POLR3D: variants seen among roughly 807,000 people sequenced by gnomAD.
POLR3D encodes RNA polymerase III subunit D.
In POLR3D, 42 loss-of-function variants were observed where a neutral mutation model predicts 44.5. The observed-to-expected ratio is 0.94, with a 90% confidence interval of 0.74 to 1.22. The LOEUF (loss-of-function observed/expected upper bound fraction) is 1.22. Among genes scored for constraint, POLR3D ranks in the 50% most tolerant of loss-of-function variants. POLR3D has a pLI of 0.00. For missense variants in POLR3D, 507 were observed against 505.2 expected (o/e 1.00, Z -0.03); for synonymous variants, 217 against 198.1 (o/e 1.10, Z -0.80).
At chr8:22,249,369 C>T (rs547768748) in intron 7 of POLR3D, 60 bp downstream of exon 7, 16 of 1,574,082 alleles carry the variant, frequency 1.0e-5, no homozygotes, top group Admixed American at 1.7e-5. Flanking sequence ...AAGTGGTGAC[C>T]TGTAGTGGGA....
intron 6 of POLR3D, 134 bp from the exon 7 acceptor site, chr8:22,248,910 C>G (rs1830070753): frequency 2.0e-6 from 2 of 1,014,128 alleles, no homozygotes; most frequent in South Asian, 3.1e-5. Flanking sequence ...TCTCTTGCCC[C>G]TCTGTATAAC....
intron 2 of POLR3D, among the ~76,000 whole-genome samples, chr8:22,246,408 G>T (rs1362598453): frequency 6.6e-6 from 1 of 151,942 alleles, no homozygotes; most frequent in Non-Finnish European, 1.5e-5. Flanking sequence ...GGGATTACAG[G>T]TGTGAGCCAC....
chr8:22,248,441 A>G, intron 5 of POLR3D, 40 bp from the exon 6 acceptor site: 1 of 1,604,440 alleles, frequency 6.2e-7, no homozygotes, highest in South Asian at 1.1e-5. Context: ...ATCCAGGTGC[A>G]TGTGCTAGCA....
intron 2 of POLR3D, 70 bp from the exon 3 acceptor site, chr8:22,247,151 A>C (rs1830051972): frequency 2.4e-6 from 3 of 1,225,912 alleles, no homozygotes; most frequent in Admixed American, 1.9e-5. Flanking sequence ...GCCCTTTGGG[A>C]ATTTTTATTT....
chr8:22,250,839 T>G lies in POLR3D; in HGVS notation c.*321T>G. On this transcript the variant is annotated 3_prime_UTR_variant, in exon 9 of 9. Coordinates refer to ENST00000306433, the MANE Select transcript of POLR3D (RefSeq NM_001722.3). ...GAGGGTCTGTGTGAAGGGGCCGGCT[T>G]CTCTTGGTGCCTGCTGGGTTGCAGG... 1 of 325,608 alleles carries G rather than the reference T, an allele frequency of 3.1e-6. No homozygotes were observed. Among genetic ancestry groups the G allele is most frequent in the Non-Finnish European group, 6.0e-6 (1 of 167,116 alleles). The allele number at this position is 325,608 out of a possible 1,614,324, so 20.2% of individuals were successfully genotyped here. A position where few individuals can be genotyped will look rare whatever the true frequency, so the allele number is the denominator to read the frequency against.
Position 22,252,024 on chromosome 8 carries a change from T to C in POLR3D, c.*1506T>C, listed in dbSNP as rs1438205483. 1.3e-5 allele frequency: 2 copies of C among 153,736 alleles called. No homozygotes were observed. The highest frequency in any genetic ancestry group is 4.8e-5 in the African/African-American group (2 of 41,450). 9.5% of individuals were successfully genotyped at this position (153,736 alleles called of 1,614,324 possible). On this transcript the variant is annotated 3_prime_UTR_variant, in exon 9 of 9. Coordinates refer to ENST00000306433, the MANE Select transcript of POLR3D (RefSeq NM_001722.3). ...AGGCTCACCTTCCTTCTTTTCAAAG[T>C]TCCTCAAGCCTGTTACTCATTTGTC...
chr8:22,247,723 G>A, intron 3 of POLR3D, 134 bp from the exon 4 acceptor site: 4 of 778,750 alleles, frequency 5.1e-6, no homozygotes, highest in Middle Eastern at 3.7e-4. Context: ...AATTAGGATT[G>A]GATTCTGCTT....
Position 22,247,272 on chromosome 8 carries a change from G to C in POLR3D, c.209+8G>C. On this transcript the variant is annotated splice_region_variant and intron_variant, in intron 3 of 8. Transcript: ENST00000306433. ...TCGGAAGATCAAGGAAGAGTAAGTA[G>C]CTAGGCCTTCTGAATACTTGCCCCT... 6.2e-7 allele frequency: 1 copy of C among 1,610,716 alleles called. No homozygotes were observed. The highest frequency in any genetic ancestry group is 8.5e-7 in the Non-Finnish European group (1 of 1,177,246).
At position 22,247,247 on chromosome 8, in the gene POLR3D, T is replaced by C. The variant is rs1209450222; in HGVS notation, c.192T>C (p.Ser64=). The change falls in exon 3 of 9, where the codon AGT becomes AGC. Residue 64 remains serine, a synonymous_variant. Coordinates refer to ENST00000306433, the MANE Select transcript of POLR3D (RefSeq NM_001722.3). ...AAACCTTCACCCCAAATATCATCAGTCGGAAGATCAAGGAAGAGTAAGTAG... is the reference window on the plus strand; with the variant it reads ...AAACCTTCACCCCAAATATCATCAGCCGGAAGATCAAGGAAGAGTAAGTAG... ...KKKTFTPNII[S]RKIKEEPKEE... is the part of the protein sequence containing the mutation. 1.9e-6 allele frequency: 3 copies of C among 1,613,390 alleles called. No individual in the cohort carries two copies. In the African/African-American group the frequency reaches 4.0e-5, roughly 22 times the overall value.
At chr8:22,246,309 G>A (rs909681341) in intron 2 of POLR3D, among the ~76,000 whole-genome samples, 1 of 150,660 alleles carries the variant, frequency 6.6e-6, no homozygotes, top group Non-Finnish European at 1.5e-5. Flanking sequence ...TGTATTTTTA[G>A]TAGACACAGG....
At chr8:22,245,917 A>G (rs375360565) in intron 2 of POLR3D, among the ~76,000 whole-genome samples, 2 of 152,228 alleles carry the variant, frequency 1.3e-5, no homozygotes, top group South Asian at 2.1e-4. Context: ...TAAGAAACCC[A>G]TGAAAGCCAG....
chr8:22,246,876 A>T (rs1245701111), intron 2 of POLR3D, among the ~76,000 whole-genome samples: 1 of 152,204 alleles, frequency 6.6e-6, no homozygotes, highest in Non-Finnish European at 1.5e-5. Flanking sequence ...TTCCCCCATG[A>T]TACTGACTGG....
In POLR3D at chr8:22,252,921, TTTTA is replaced by T. The variant is rs1287244082; in HGVS notation, c.*2411_*2414del. 6.6e-6 allele frequency: 1 copy of T among 152,198 alleles called. No homozygotes were observed. Among genetic ancestry groups the T allele is most frequent in the African/African-American group, 2.4e-5 (1 of 41,468 alleles). 9.4% of individuals were successfully genotyped at this position (152,198 alleles called of 1,614,324 possible). A position where few individuals can be genotyped will look rare whatever the true frequency, so the allele number is the denominator to read the frequency against. ...AATCACTTATCCTCTTTAAGCTTGA[TTTTA>T]TTTATTTTATTTTATGTAAGAGTGA... On this transcript the variant is annotated 3_prime_UTR_variant, in exon 9 of 9. Transcript: ENST00000306433.
chr8:22,250,174 T>C lies in POLR3D; in HGVS notation c.1021T>C (p.Leu341=), dbSNP rs1301962735. The change falls in exon 8 of 9, where the codon TTG becomes CTG. Residue 341 remains leucine (L), a synonymous_variant. Coordinates refer to ENST00000306433, the MANE Select transcript of POLR3D (RefSeq NM_001722.3). The stretch of plus-strand genomic sequence containing the variant: ...CAAGTCTGGAAGGGTGCAACTCCTC[T>C]TGGGCAAGGTGACTCTGGACGTGAC... ...IRKSGRVQLL[L]GKVTLDVTMG... 6.8e-6 allele frequency: 11 copies of C among 1,614,158 alleles called. No individual in the cohort carries two copies. Among genetic ancestry groups the C allele is most frequent in the Non-Finnish European group, 9.3e-6 (11 of 1,180,020 alleles).
intron 3 of POLR3D, 102 bp downstream of exon 3, chr8:22,247,366 A>G (rs1430424588): frequency 2.4e-6 from 2 of 848,688 alleles, no homozygotes; most frequent in Non-Finnish European, 3.9e-6. Context: ...ATTTAAATTT[A>G]TATCTTTAGT....
In POLR3D at chr8:22,245,608, C is replaced by G. The variant is rs1235910902; in HGVS notation, c.159C>G (p.Val53=). ...IRSRDLTLGG[V]KKKTFTPNII... ...CCAGGGACCTCACCCTCGGGGGAGTCAAGAAGGTACCCAACGGCGCGTTTC... is the reference window on the plus strand; with the variant it reads ...CCAGGGACCTCACCCTCGGGGGAGTGAAGAAGGTACCCAACGGCGCGTTTC... The change falls in exon 2 of 9, where the codon GTC becomes GTG. Residue 53 remains valine (V), a synonymous_variant. Transcript: ENST00000306433. The G allele has an allele frequency of 3.2e-6, 4 of 1,255,774 alleles. No homozygotes were observed. The highest frequency in any genetic ancestry group is 4.0e-6 in the Non-Finnish European group (4 of 991,918). The allele number at this position is 1,255,774 out of a possible 1,614,324, so 77.8% of individuals were successfully genotyped here. A position where few individuals can be genotyped will look rare whatever the true frequency, so the allele number is the denominator to read the frequency against.
rs1830111156 is a variant in POLR3D at position 22,252,231 on chromosome 8, T to C, written c.*1713T>C. 6.5e-6 allele frequency: 1 copy of C among 153,942 alleles called. No individual in the cohort carries two copies. Among genetic ancestry groups the C allele is most frequent in the Admixed American group, 6.5e-5 (1 of 15,294 alleles). 9.5% of individuals were successfully genotyped at this position (153,942 alleles called of 1,614,324 possible). ...GAGCAGAAAGGGTTCCTTGGAAACC[T>C]GTGCTGGGAAGCCCTGTTTGGTCTA... On this transcript the variant is annotated 3_prime_UTR_variant, in exon 9 of 9. Coordinates refer to ENST00000306433, the MANE Select transcript of POLR3D (RefSeq NM_001722.3).
chr8:22,254,204 T>C lies in POLR3D; in HGVS notation c.*3686T>C, dbSNP rs1037340951. ...AACATGTGCTATTTGATTTTCTGTT[T>C]CCGAGGTTAGGATAATTACCTCAAG... On this transcript the variant is annotated 3_prime_UTR_variant, in exon 9 of 9. Coordinates refer to ENST00000306433, the MANE Select transcript of POLR3D (RefSeq NM_001722.3). The C allele has an allele frequency of 6.6e-6, 1 of 152,218 alleles. No individual in the cohort carries two copies. The highest frequency in any genetic ancestry group is 1.5e-5 in the Non-Finnish European group (1 of 68,034). The allele number at this position is 152,218 out of a possible 1,614,324, so 9.4% of individuals were successfully genotyped here. A position where few individuals can be genotyped will look rare whatever the true frequency, so the allele number is the denominator to read the frequency against.
In POLR3D at chr8:22,252,714, T is replaced by C. The variant is rs1830115128; in HGVS notation, c.*2196T>C. ...AAGAGCCCAAAGCCAAATTTATACATGAGTGCAAGTGGATGCAAATTTGTT... is the reference window on the plus strand; with the variant it reads ...AAGAGCCCAAAGCCAAATTTATACACGAGTGCAAGTGGATGCAAATTTGTT... On this transcript the variant is annotated 3_prime_UTR_variant, in exon 9 of 9. Coordinates refer to ENST00000306433, the MANE Select transcript of POLR3D (RefSeq NM_001722.3). The C allele has an allele frequency of 6.6e-6, 1 of 152,220 alleles. No individual in the cohort carries two copies. The highest frequency in any genetic ancestry group is 1.5e-5 in the Non-Finnish European group (1 of 68,044). 9.4% of individuals were successfully genotyped at this position (152,220 alleles called of 1,614,324 possible). A position where few individuals can be genotyped will look rare whatever the true frequency, so the allele number is the denominator to read the frequency against.
Sources: allele counts gnomAD v4.1 joint callset (sites outside exome capture counted in the v4.1 genomes callset), GRCh38; gene constraint gnomAD v4.1.1; transcripts MANE v1.5; gene names NCBI Gene and HGNC (gene_info 2026-07-23, HGNC 2026-07-21).